The following TPD52L1 variants were observed in gnomAD, a reference collection of about 807,000 sequenced individuals.
TPD52L1 encodes TPD52 like 1.
Under a neutral mutation model 28.7 loss-of-function variants are expected in TPD52L1, and 18 were observed. The observed-to-expected ratio is 0.63, with a 90% CI of 0.43 to 0.93. The LOEUF is 0.93. Among genes scored for constraint, TPD52L1 ranks in the 40% least tolerant of loss-of-function variants. The pLI is 0.00. For synonymous variants in TPD52L1, 75 were observed against 88.8 expected (o/e 0.84, Z 0.88); for missense variants, 203 against 254.8 (o/e 0.80, Z 1.39).
chr6:125,260,602 C>T (rs1218170513), intron 6 of TPD52L1, among the ~76,000 whole-genome samples: 7 of 151,922 alleles, frequency 4.6e-5, no homozygotes, highest in African/African-American at 1.2e-4. Flanking sequence ...GTCAAGAGTT[C>T]GAGACCAGCC....
chr6:125,168,716 C>A (rs1791079034), intron 1 of TPD52L1, among the ~76,000 whole-genome samples: 1 of 152,048 alleles, frequency 6.6e-6, no homozygotes, highest in South Asian at 2.1e-4. Context: ...TGGGGTTTCA[C>A]CATGTTGGCC....
chr6:125,221,694 G>A (rs1011294103), intron 2 of TPD52L1, among the ~76,000 whole-genome samples: 3 of 152,108 alleles, frequency 2.0e-5, no homozygotes, highest in African/African-American at 7.2e-5. Flanking sequence ...TTAAATGGAT[G>A]CCCCATGAAT....
intron 1 of TPD52L1, among the ~76,000 whole-genome samples, chr6:125,219,550 A>G (rs1731808491): frequency 6.6e-6 from 1 of 152,252 alleles, no homozygotes; most frequent in South Asian, 2.1e-4. Context: ...ACTCAGGGTC[A>G]CGAGTTCTCA....
intron 3 of TPD52L1, among the ~76,000 whole-genome samples, chr6:125,244,047 T>C (rs1481390346): frequency 1.3e-5 from 2 of 149,174 alleles, no homozygotes; most frequent in Non-Finnish European, 2.9e-5. Context: ...TCTTGGTGCT[T>C]GTAGGGTTGA....
chr6:125,160,725 T>G (rs1002398252), intron 1 of TPD52L1, among the ~76,000 whole-genome samples: 1 of 147,304 alleles, frequency 6.8e-6, no homozygotes, highest in East Asian at 1.9e-4. Flanking sequence ...TTCATCTATA[T>G]GAAAATGTGT....
intron 2 of TPD52L1, among the ~76,000 whole-genome samples, chr6:125,225,774 A>C (rs1005994980): frequency 4.6e-5 from 7 of 152,092 alleles, no homozygotes; most frequent in African/African-American, 1.7e-4. Flanking sequence ...GAGTTTCCAT[A>C]CTCCTTGTAT....
At chr6:125,249,333 C>A (rs1156560439) in intron 4 of TPD52L1, among the ~76,000 whole-genome samples, 1 of 151,124 alleles carries the variant, frequency 6.6e-6, no homozygotes, top group East Asian at 1.9e-4. Flanking sequence ...AAAAAAAAAT[C>A]TCTGCGTATT....
At chr6:125,185,616 C>A (rs1171998967) in intron 1 of TPD52L1, among the ~76,000 whole-genome samples, 1 of 151,000 alleles carries the variant, frequency 6.6e-6, no homozygotes, top group African/African-American at 2.4e-5. Context: ...AGAGAGACTG[C>A]CAATAATAAA....
intron 1 of TPD52L1, among the ~76,000 whole-genome samples, chr6:125,195,763 G>T (rs1428743844): frequency 6.6e-6 from 1 of 152,110 alleles, no homozygotes; most frequent in African/African-American, 2.4e-5. Flanking sequence ...AAGGCCAAGT[G>T]CACTGACCCA....
chr6:125,190,974 T>C (rs567683531), intron 1 of TPD52L1, among the ~76,000 whole-genome samples: 4 of 152,326 alleles, frequency 2.6e-5, no homozygotes, highest in Admixed American at 6.5e-5. Flanking sequence ...GAATATATCA[T>C]TCTCTGTTGC....
chr6:125,164,236 T>C (rs879513089), intron 1 of TPD52L1, among the ~76,000 whole-genome samples: 1 of 152,218 alleles, frequency 6.6e-6, no homozygotes, highest in African/African-American at 2.4e-5. Context: ...ATTGTACAGT[T>C]CATTTCATAT....
chr6:125,156,455 C>A (rs1426788546), intron 1 of TPD52L1, among the ~76,000 whole-genome samples: 1 of 83,506 alleles, frequency 1.2e-5, no homozygotes, highest in East Asian at 4.9e-4. Flanking sequence ...AAGAGTGAGA[C>A]CTTGTCTCAA....
At chr6:125,154,426 A>AG (rs913947881) in intron 1 of TPD52L1, 1 of 988,536 alleles carries the variant, frequency 1.0e-6, no homozygotes, top group Non-Finnish European at 1.2e-6. Context: ...TCGCCCGCCG[A>AG]GGGGGTGGCT....
intron 1 of TPD52L1, among the ~76,000 whole-genome samples, chr6:125,160,205 T>C (rs760386685): frequency 1.3e-5 from 2 of 152,186 alleles, no homozygotes; most frequent in South Asian, 2.1e-4. Context: ...AGAAGTAATA[T>C]TCAGAAAGAA....
At position 125,263,246 on chromosome 6, in the gene TPD52L1, GATGT is replaced by G. The variant is rs1160228620; in HGVS notation, c.*287_*290del. 2 of 364,760 alleles carry G rather than the reference GATGT, an allele frequency of 5.5e-6. No homozygotes were observed. The highest frequency in any genetic ancestry group is 8.5e-5 in the South Asian group (2 of 23,488). 22.6% of individuals were successfully genotyped at this position (364,760 alleles called of 1,614,324 possible). ...GTCATAATTCCTGTCTGTGTAATTC[GATGT>G]ATATTTTTCCAAACATGTAGCTATT... On this transcript the variant is annotated 3_prime_UTR_variant, in exon 7 of 7. Coordinates refer to ENST00000534000, the MANE Select transcript of TPD52L1 (RefSeq NM_003287.4).
intron 2 of TPD52L1, among the ~76,000 whole-genome samples, chr6:125,227,993 C>T (rs965465054): frequency 1.3e-5 from 2 of 152,138 alleles, no homozygotes; most frequent in South Asian, 2.1e-4. Flanking sequence ...ATAAACAACA[C>T]ACTTTGGCAT....
intron 2 of TPD52L1, among the ~76,000 whole-genome samples, chr6:125,224,670 G>C (rs1363324411): frequency 1.3e-5 from 2 of 152,176 alleles, no homozygotes; most frequent in Non-Finnish European, 2.9e-5. Flanking sequence ...GAAGCCACGT[G>C]CACGTGAGAC....
intron 1 of TPD52L1, among the ~76,000 whole-genome samples, chr6:125,167,014 T>C (rs1021984930): frequency 6.6e-6 from 1 of 152,104 alleles, no homozygotes; most frequent in Admixed American, 6.5e-5. Context: ...TCCAGCACTT[T>C]TGGAGGCCGA....
chr6:125,220,560 GT>G (rs1197608437), intron 2 of TPD52L1, among the ~76,000 whole-genome samples: 1 of 152,146 alleles, frequency 6.6e-6, no homozygotes. Flanking sequence ...TTGAAGATGG[GT>G]TCTGGTTTTA....
Sources: allele counts gnomAD v4.1 joint callset (sites outside exome capture counted in the v4.1 genomes callset), GRCh38; gene constraint gnomAD v4.1.1; transcripts MANE v1.5; gene names NCBI Gene and HGNC (gene_info 2026-07-23, HGNC 2026-07-21).